The following FOCAD variants were observed in gnomAD, a reference collection of about 807,000 sequenced individuals.
FOCAD encodes the protein KIAA1797.
Under a neutral mutation model 225.6 loss-of-function variants are expected in FOCAD, and 198 were observed. The observed-to-expected ratio is 0.88, with a 90% CI of 0.78 to 0.99. The LOEUF is 0.99. FOCAD is among the 50% of genes least tolerant of loss of function. The pLI is 0.00. For synonymous variants in FOCAD, 897 were observed against 755.0 expected, an observed-to-expected ratio of 1.19 and a Z score of -3.08; for missense variants, 2,713 against 2,123.6, an observed-to-expected ratio of 1.28 and a Z score of -5.46.
At chr9:20,838,614 G>T (rs1826218184) in intron 15 of FOCAD, among the ~76,000 whole-genome samples, 2 of 151,972 alleles carry the variant, frequency 1.3e-5, no homozygotes, top group African/African-American at 4.8e-5. Context: ...CACTTGTTTG[G>T]CTCAGGTACT....
chr9:20,908,468 C>T (rs1833166632), intron 22 of FOCAD, among the ~76,000 whole-genome samples: 1 of 152,024 alleles, frequency 6.6e-6, no homozygotes, highest in Non-Finnish European at 1.5e-5. Flanking sequence ...GAATAGGGGA[C>T]CAGGAATCTC....
chr9:20,690,454 C>T (rs1423994170), intron 1 of FOCAD, among the ~76,000 whole-genome samples: 1 of 152,150 alleles, frequency 6.6e-6, no homozygotes, highest in African/African-American at 2.4e-5. Context: ...TCTATTCTTT[C>T]TTAAACCCAC....
intron 23 of FOCAD, 119 bp downstream of exon 23, chr9:20,913,073 G>C: frequency 1.4e-6 from 1 of 708,698 alleles, no homozygotes; most frequent in Non-Finnish European, 2.3e-6. Flanking sequence ...GAGCCTGAAG[G>C]GGAAATGACA....
intron 11 of FOCAD, among the ~76,000 whole-genome samples, chr9:20,794,383 A>G (rs1820846114): frequency 6.6e-6 from 1 of 152,220 alleles, no homozygotes; most frequent in Non-Finnish European, 1.5e-5. Flanking sequence ...TGATTTGTAA[A>G]ATATTCATCT....
chr9:20,879,282 A>G (rs1453310338), intron 19 of FOCAD, among the ~76,000 whole-genome samples: 2 of 152,102 alleles, frequency 1.3e-5, no homozygotes, highest in Non-Finnish European at 2.9e-5. Flanking sequence ...AAAATGCACT[A>G]ATTCCCTCCC....
intron 5 of FOCAD, among the ~76,000 whole-genome samples, chr9:20,745,220 C>T (rs1169384950): frequency 6.6e-6 from 1 of 151,984 alleles, no homozygotes; most frequent in Non-Finnish European, 1.5e-5. Flanking sequence ...AGCTATCCTC[C>T]CATCTCAGCT....
rs772716555 is a variant in FOCAD, at chr9:20,823,054, C to T, written c.1859C>T (p.Pro620Leu). ...CAAGTGTTGAATGAATGCACCAAGC[C>T]TGATCAAGCTACTCCAGCAGCCTTG... is the stretch of plus-strand genomic sequence containing the variant. ...ISQVLNECTK[P>L]DQATPAALVL... is the part of the protein sequence containing the mutation. Residue 620 changes from proline (P) to leucine (L), a missense_variant, in exon 15 of 44, where the codon CCT (proline) becomes CTT (leucine). Physicochemically the swap from Pro to Leu is moderately conservative, Grantham distance 98. Coordinates refer to ENST00000338382, the MANE Select transcript of FOCAD (RefSeq NM_001375567.1). 2 of 1,609,914 alleles carry T rather than the reference C, an allele frequency of 1.2e-6. No individual in the cohort carries two copies. The highest frequency in any genetic ancestry group is 1.1e-5 in the South Asian group (1 of 90,598).
At chr9:20,805,070 A>G (rs1280090055) in intron 11 of FOCAD, among the ~76,000 whole-genome samples, 1 of 152,220 alleles carries the variant, frequency 6.6e-6, no homozygotes, top group Non-Finnish European at 1.5e-5. Flanking sequence ...TCACGATAGC[A>G]TGAAAGCCCA....
At chr9:20,715,804 A>G (rs1403576780) in intron 2 of FOCAD, among the ~76,000 whole-genome samples, 8 of 152,104 alleles carry the variant, frequency 5.3e-5, no homozygotes, top group African/African-American at 1.9e-4. Context: ...AGATTTTTAT[A>G]ATAATGATAT....
chr9:20,748,724 C>T (rs1587005239), intron 5 of FOCAD, among the ~76,000 whole-genome samples: 2 of 152,142 alleles, frequency 1.3e-5, no homozygotes, highest in South Asian at 4.1e-4. Flanking sequence ...ACATGTTTTG[C>T]TCCTGTTTTT....
intron 15 of FOCAD, among the ~76,000 whole-genome samples, chr9:20,849,701 AG>A (rs1468359662): frequency 4.6e-5 from 7 of 151,964 alleles, no homozygotes; most frequent in African/African-American, 1.7e-4. Context: ...TCTAAGGGAT[AG>A]GCAGCCATGT....
At chr9:20,760,024 A>G (rs931541515) in intron 6 of FOCAD, among the ~76,000 whole-genome samples, 1 of 152,150 alleles carries the variant, frequency 6.6e-6, no homozygotes, top group Non-Finnish European at 1.5e-5. Context: ...CCTTACTACC[A>G]TGACGCTGGT....
intron 34 of FOCAD, among the ~76,000 whole-genome samples, chr9:20,951,313 T>A (rs1165787049): frequency 6.6e-6 from 1 of 152,148 alleles, no homozygotes; most frequent in African/African-American, 2.4e-5. Context: ...TGAACTCAGA[T>A]CTTTTGGCCT....
At chr9:20,805,092 G>A (rs932854357) in intron 11 of FOCAD, among the ~76,000 whole-genome samples, 8 of 152,184 alleles carry the variant, frequency 5.3e-5, no homozygotes, top group Non-Finnish European at 8.8e-5. Flanking sequence ...ACACCAGGGT[G>A]GTTGTGGTTT....
At chr9:20,679,036 G>A (rs1337279326) in intron 2 of FOCAD, among the ~76,000 whole-genome samples, 1 of 151,998 alleles carries the variant, frequency 6.6e-6, no homozygotes, top group East Asian at 1.9e-4. Context: ...GAAATGCCAA[G>A]ATCTTGCAGC....
At chr9:20,878,765 T>C (rs1373831404) in intron 19 of FOCAD, among the ~76,000 whole-genome samples, 1 of 152,180 alleles carries the variant, frequency 6.6e-6, no homozygotes, top group African/African-American at 2.4e-5. Flanking sequence ...AGACTGGGAT[T>C]CTGGTAGTGT....
At chr9:20,658,171 C>T (rs1298996552), upstream of FOCAD, 8 of 152,152 alleles carry the variant, frequency 5.3e-5, no homozygotes, top group Non-Finnish European at 1.2e-4. Context: ...AGAACCACTG[C>T]TCTCTTCAAA....
intron 2 of FOCAD, among the ~76,000 whole-genome samples, chr9:20,716,942 A>G (rs1278726461): frequency 3.3e-5 from 5 of 152,206 alleles, no homozygotes; most frequent in Non-Finnish European, 4.4e-5. Flanking sequence ...TTAGTGGCAC[A>G]CAGTATAATG....
At chr9:20,783,374 CT>C (rs1370815468) in intron 10 of FOCAD, among the ~76,000 whole-genome samples, 2 of 151,824 alleles carry the variant, frequency 1.3e-5, no homozygotes, top group Admixed American at 1.3e-4. Context: ...CCACATTTTA[CT>C]GTTGGCTTTT....
Sources: allele counts gnomAD v4.1 joint callset (sites outside exome capture counted in the v4.1 genomes callset), GRCh38; gene constraint gnomAD v4.1.1; transcripts MANE v1.5; gene names NCBI Gene and HGNC (gene_info 2026-07-23, HGNC 2026-07-21).